Variants in KIAA0319 observed in about 807,000 individuals in gnomAD.
KIAA0319 encodes KIAA0319, also known as dyslexia-associated protein KIAA0319.
In KIAA0319, 83 loss-of-function variants were observed where a neutral mutation model predicts 108.4. The observed-to-expected ratio is 0.77, with a 90% CI of 0.64 to 0.92. The LOEUF (loss-of-function observed/expected upper bound fraction) is 0.92, where lower values mean the gene tolerates loss of function less well. Ranked by LOEUF, KIAA0319 falls within the 40% of genes least tolerant of loss-of-function variation. The pLI is 0.00. For synonymous variants in KIAA0319, 484 were observed against 510.4 expected (o/e 0.95, Z 0.70); for missense variants, 1,195 against 1,322.4 (o/e 0.90, Z 1.49).
In KIAA0319 at chr6:24,580,970, T is replaced by C. The variant is rs1277708946; in HGVS notation, c.1235A>G (p.Glu412Gly). The C allele has an allele frequency of 6.2e-7, 1 of 1,613,312 alleles. No individual in the cohort carries two copies. The highest frequency in any genetic ancestry group is 8.5e-7 in the Non-Finnish European group (1 of 1,179,536). Residue 412 changes from glutamate (E) to glycine (G), a missense_variant, in exon 7 of 21, where the codon GAA becomes GGA. Transcript: ENST00000378214. Reference protein sequence around the residue: ...LYVFKVTVSSENAFGEGFVNV... With the variant: ...LYVFKVTVSSGNAFGEGFVNV... ...GACAAATCCTTCTCCAAAGGCGTTT[T>C]CACTAGAAACAGTGACTTTGAAGAC...
intron 1 of KIAA0319, among the ~76,000 whole-genome samples, chr6:24,633,728 T>C (rs528185396): frequency 6.6e-6 from 1 of 152,110 alleles, no homozygotes; most frequent in Non-Finnish European, 1.5e-5. Context: ...TAAAAGGTAA[T>C]GATAAATTTA....
intron 19 of KIAA0319, 34 bp from the exon 20 acceptor site, chr6:24,551,559 T>C (rs779340540): frequency 7.2e-7 from 1 of 1,385,776 alleles, no homozygotes; most frequent in South Asian, 1.2e-5. Context: ...AACTCAGATC[T>C]TTAGAAAGGT....
chr6:24,576,386 G>C lies in KIAA0319; in HGVS notation c.1716C>G (p.Gly572=). The C allele has an allele frequency of 1.9e-6, 3 of 1,614,014 alleles. No homozygotes were observed. The South Asian group carries it at 3.3e-5, about 18-fold the overall frequency. Residue 572 remains glycine (G), a synonymous_variant, in exon 10 of 21, where the codon GGC becomes GGG. Coordinates refer to ENST00000378214, the MANE Select transcript of KIAA0319 (RefSeq NM_014809.4). ...YEWSLGPGSE[G]KHVVMQGVQT... is the part of the protein sequence containing the mutation. Reference sequence around the variant, plus strand: ...AACTTGCCTGCATGACCACATGTTTGCCCTCACTCCCAGGACCCAGGGACC... The same window carrying C: ...AACTTGCCTGCATGACCACATGTTTCCCCTCACTCCCAGGACCCAGGGACC...
intron 1 of KIAA0319, among the ~76,000 whole-genome samples, chr6:24,608,018 T>C (rs1771676129): frequency 6.6e-6 from 1 of 152,110 alleles, no homozygotes; most frequent in Non-Finnish European, 1.5e-5. Flanking sequence ...TATATCCACA[T>C]CGCTTCAAAT....
At chr6:24,556,932 T>C (rs1762382649) in intron 17 of KIAA0319, among the ~76,000 whole-genome samples, 1 of 152,140 alleles carries the variant, frequency 6.6e-6, no homozygotes, top group Non-Finnish European at 1.5e-5. Context: ...AAAAAGCCAG[T>C]CCACACCACG....
chr6:24,614,483 A>C (rs1772860246), intron 1 of KIAA0319, among the ~76,000 whole-genome samples: 1 of 152,188 alleles, frequency 6.6e-6, no homozygotes, highest in African/African-American at 2.4e-5. Flanking sequence ...ATTGTAATTC[A>C]CATTTGTAAA....
intron 1 of KIAA0319, among the ~76,000 whole-genome samples, chr6:24,619,221 T>C (rs1429361932): frequency 6.6e-6 from 1 of 152,150 alleles, no homozygotes; most frequent in Non-Finnish European, 1.5e-5. Context: ...ATTAGCTCCC[T>C]CGGGCTTCTG....
In KIAA0319 at chr6:24,549,095, G is replaced by C; in HGVS notation, c.3041-1752C>G. 1.3e-5 allele frequency among the ~76,000 whole-genome samples: 2 copies of C among 152,060 alleles called. 1 individual carries two copies. Among genetic ancestry groups the C allele is most frequent in the Non-Finnish European group, 2.9e-5 (2 of 68,006 alleles). On this transcript the variant is annotated intron_variant, in intron 20 of 20. Coordinates refer to ENST00000378214, the MANE Select transcript of KIAA0319 (RefSeq NM_014809.4). ...TCAGCACTTTGGGAGGCCGAGGCGG[G>C]TGGATCACTTGACGTCAGGAGTTCG...
chr6:24,581,161 A>G, intron 6 of KIAA0319, 148 bp from the exon 7 acceptor site: 1 of 635,926 alleles, frequency 1.6e-6, no homozygotes. Flanking sequence ...ATCTGTCAAG[A>G]GGCTGCCGCA....
intron 1 of KIAA0319, among the ~76,000 whole-genome samples, chr6:24,612,626 A>G (rs1192449727): frequency 6.6e-6 from 1 of 152,004 alleles, no homozygotes; most frequent in Non-Finnish European, 1.5e-5. Flanking sequence ...TTAAGTGAAG[A>G]AAGAAAGTGC....
intron 3 of KIAA0319, among the ~76,000 whole-genome samples, chr6:24,589,937 G>T (rs1025327305): frequency 8.5e-5 from 13 of 152,284 alleles, no homozygotes; most frequent in Middle Eastern, 3.4e-3. Flanking sequence ...GGAGGGAAAA[G>T]TCTCATAATA....
chr6:24,582,715 G>A (rs1241214265), intron 5 of KIAA0319, among the ~76,000 whole-genome samples: 5 of 149,382 alleles, frequency 3.3e-5, no homozygotes. Flanking sequence ...TTTTTTCCTA[G>A]GGGGCTACAT....
chr6:24,628,095 A>C (rs1314234530), intron 1 of KIAA0319, among the ~76,000 whole-genome samples: 1 of 152,208 alleles, frequency 6.6e-6, no homozygotes. Flanking sequence ...TGTCCTAATA[A>C]TTACAGAACA....
intron 9 of KIAA0319, among the ~76,000 whole-genome samples, chr6:24,577,233 G>A (rs1307660670): frequency 2.0e-5 from 3 of 152,144 alleles, no homozygotes; most frequent in South Asian, 4.1e-4. Flanking sequence ...CTCTCTTAAC[G>A]GAGACTAAAA....
chr6:24,595,934 A>G lies in KIAA0319; in HGVS notation c.740T>C (p.Val247Ala). 6.2e-7 allele frequency: 1 copy of G among 1,613,378 alleles called. No individual in the cohort carries two copies. The highest frequency in any genetic ancestry group is 2.2e-5 in the East Asian group (1 of 44,860). Residue 247 changes from valine to alanine, a missense_variant, in exon 3 of 21, where the codon GTG (valine) becomes GCG (alanine). Physicochemically the swap from Val to Ala is moderately conservative, Grantham distance 64 (BLOSUM62 0). Coordinates refer to ENST00000378214, the MANE Select transcript of KIAA0319 (RefSeq NM_014809.4). The stretch of plus-strand genomic sequence containing the variant: ...CTGAGAAGCCTTTTCTTTCTCCAAC[A>G]CCTCTCCTGAAGATGGAGTAGTCGG... ...PLPTTPSSGEVLEKEKASQLQ... is the reference protein window; with the variant it reads ...PLPTTPSSGEALEKEKASQLQ...
chr6:24,634,397 T>C (rs541394044), intron 1 of KIAA0319, among the ~76,000 whole-genome samples: 1 of 152,316 alleles, frequency 6.6e-6, no homozygotes, highest in South Asian at 2.1e-4. Flanking sequence ...GTTTGACCCA[T>C]AATGGGTGAC....
rs936834846 is a variant in KIAA0319, at chr6:24,599,637, G to A, written c.55+1412C>T. On this transcript the variant is annotated intron_variant, in intron 2 of 20. Coordinates refer to ENST00000378214, the MANE Select transcript of KIAA0319 (RefSeq NM_014809.4). This position sits in a 1 kb window ranked among gnomAD's most constrained non-coding sequence, Gnocchi z 4.1. ...AGGTGAGCTGAGCTCAGCCTATGGG[G>A]GCCTCAGCTACAGCCTGGGCTCCAG... is the stretch of plus-strand genomic sequence containing the variant. 4.8e-6 allele frequency: 3 copies of A among 624,984 alleles called. No individual in the cohort carries two copies. In the Admixed American group the frequency reaches 6.1e-5, roughly 13 times the overall value. The allele number at this position is 624,984 out of a possible 1,614,324, so 38.7% of individuals were successfully genotyped here.
chr6:24,553,471 T>C (rs757514362), intron 19 of KIAA0319, among the ~76,000 whole-genome samples: 1 of 151,546 alleles, frequency 6.6e-6, no homozygotes, highest in Non-Finnish European at 1.5e-5. Flanking sequence ...TCTCTGACCT[T>C]CTCCTGCCTT....
At chr6:24,543,189 C>A (rs552474034), downstream of KIAA0319, among the ~76,000 whole-genome samples, 1 of 152,286 alleles carries the variant, frequency 6.6e-6, no homozygotes, top group African/African-American at 2.4e-5. Context: ...GAAGGAACTA[C>A]TACCTGTTTG....
Sources: allele counts gnomAD v4.1 joint callset (sites outside exome capture counted in the v4.1 genomes callset), GRCh38; gene constraint gnomAD v4.1.1; non-coding constraint Gnocchi (gnomAD v3.1); transcripts MANE v1.5; gene names NCBI Gene and HGNC (gene_info 2026-07-23, HGNC 2026-07-21).